Variants in CTIF observed in about 807,000 individuals in gnomAD.
The protein encoded by CTIF is cap binding complex dependent translation initiation factor.
CTIF carries 21 observed loss-of-function variants against 66.0 expected under a neutral mutation model. The ratio of observed to expected loss-of-function variants is 0.32; its 90% CI spans 0.23 to 0.46. The LOEUF is 0.46. Ranked by LOEUF, CTIF falls within the 20% of genes least tolerant of loss-of-function variation. The probability of loss-of-function intolerance (pLI) is 1.00; values close to 1 mark genes in which losing one functional copy is unlikely to be tolerated. For missense variants in CTIF, 739 were observed against 812.7 expected (o/e 0.91, Z 1.10); for synonymous variants, 345 against 326.4 (o/e 1.06, Z -0.62).
chr18:48,805,171 G>A lies in CTIF; in HGVS notation c.1372-12050G>A, dbSNP rs140602276. Among the ~76,000 whole-genome samples the A allele has an allele frequency of 3.4e-3, 518 of 152,308 alleles. 4 individuals carry two copies. The highest frequency in any genetic ancestry group is 0.012 in the African/African-American group (485 of 41,546). ...GTTCCATGCTGCAGGCCAGCCCTAC[G>A]CTTGGGAATTCCCAGCCCTCTGCTT... On this transcript the variant is annotated intron_variant, in intron 9 of 11. Coordinates refer to ENST00000256413, the MANE Select transcript of CTIF (RefSeq NM_014772.3).
intron 6 of CTIF, among the ~76,000 whole-genome samples, chr18:48,699,607 G>C (rs1346578125): frequency 6.6e-6 from 1 of 152,312 alleles, no homozygotes; most frequent in African/African-American, 2.4e-5. Flanking sequence ...CCCAGCAGGT[G>C]CACAAAGACC....
intron 1 of CTIF, among the ~76,000 whole-genome samples, chr18:48,583,544 C>T (rs1172866570): frequency 1.3e-5 from 2 of 152,200 alleles, no homozygotes; most frequent in African/African-American, 2.4e-5. Flanking sequence ...CTGCTATGCA[C>T]TCTCCTCACT....
chr18:48,805,565 G>A (rs1250533776), intron 9 of CTIF, among the ~76,000 whole-genome samples: 4 of 152,110 alleles, frequency 2.6e-5, no homozygotes, highest in Admixed American at 6.5e-5. Context: ...GCGGAATGTC[G>A]TGGCCTTACT....
chr18:48,786,761 G>A (rs1412150423), intron 9 of CTIF, among the ~76,000 whole-genome samples: 1 of 152,140 alleles, frequency 6.6e-6, no homozygotes, highest in African/African-American at 2.4e-5. Context: ...AACTTCGAAG[G>A]GAAAGGAGGA....
At chr18:48,795,140 G>A (rs146087059) in intron 9 of CTIF, among the ~76,000 whole-genome samples, 2 of 152,148 alleles carry the variant, frequency 1.3e-5, no homozygotes, top group East Asian at 3.9e-4. Context: ...GGCTTTTTTT[G>A]ATCCTTGGCT....
intron 7 of CTIF, among the ~76,000 whole-genome samples, chr18:48,738,841 C>T (rs947820400): frequency 3.3e-5 from 5 of 152,214 alleles, no homozygotes; most frequent in African/African-American, 1.2e-4. Context: ...AAACCACTGT[C>T]GAGTAAGTGA....
At chr18:48,755,271 A>C (rs1241711532) in intron 7 of CTIF, among the ~76,000 whole-genome samples, 1 of 152,224 alleles carries the variant, frequency 6.6e-6, no homozygotes, top group Non-Finnish European at 1.5e-5. Context: ...AAAGTAACTG[A>C]GAAGTTAAAG....
Position 48,697,198 on chromosome 18 carries a change from A to G in CTIF, c.508-14421A>G, listed in dbSNP as rs546204367. 2.0e-5 allele frequency among the ~76,000 whole-genome samples: 3 copies of G among 152,304 alleles called. No individual in the cohort carries two copies. In the East Asian group the frequency reaches 5.8e-4, roughly 29 times the overall value. On this transcript the variant is annotated intron_variant, in intron 6 of 11. Coordinates refer to ENST00000256413, the MANE Select transcript of CTIF (RefSeq NM_014772.3). ...GTCATCTTAACTTTTTATACAACAA[A>G]CAATTATGGAGGCTCATGGTATCTA...
chr18:48,667,117 G>A (rs908310873), intron 5 of CTIF, among the ~76,000 whole-genome samples: 8 of 119,076 alleles, frequency 6.7e-5, no homozygotes, highest in African/African-American at 2.4e-4. Flanking sequence ...ACACACACAC[G>A]AGTATACAAT....
intron 7 of CTIF, among the ~76,000 whole-genome samples, chr18:48,741,278 C>T (rs898092065): frequency 1.3e-5 from 1 of 78,168 alleles, no homozygotes; most frequent in African/African-American, 4.2e-5. Flanking sequence ...TACTCTGCCC[C>T]CGCCCCCCCT....
chr18:48,812,637 C>T (rs1262697820), intron 9 of CTIF, among the ~76,000 whole-genome samples: 1 of 151,688 alleles, frequency 6.6e-6, no homozygotes, highest in Non-Finnish European at 1.5e-5. Flanking sequence ...GCCTGTAGTC[C>T]CAGCTACTCA....
intron 10 of CTIF, among the ~76,000 whole-genome samples, chr18:48,831,757 C>A (rs1193089747): frequency 6.6e-6 from 1 of 152,218 alleles, no homozygotes; most frequent in Non-Finnish European, 1.5e-5. Flanking sequence ...TCTAATATAT[C>A]CAAATAATCA....
chr18:48,758,023 G>A lies in CTIF; in HGVS notation c.689G>A (p.Gly230Asp), dbSNP rs772084041. Residue 230 changes from glycine (G) to aspartate (D), a missense_variant, in exon 8 of 12, where the codon GGC becomes GAC. Coordinates refer to ENST00000256413, the MANE Select transcript of CTIF (RefSeq NM_014772.3). ...GACCACCAGAAATCCTACCAGGGGGGCTCAGCACCCCACCCCTCAGGGAGG... is the reference window on the plus strand; with the variant it reads ...GACCACCAGAAATCCTACCAGGGGGACTCAGCACCCCACCCCTCAGGGAGG... ...NRDHQKSYQG[G>D]SAPHPSGRPT... The A allele has an allele frequency of 2.7e-5, 43 of 1,613,868 alleles. No homozygotes were observed. The highest frequency in any genetic ancestry group is 3.4e-5 in the Non-Finnish European group (40 of 1,179,976).
chr18:48,788,240 G>T (rs1911893922), intron 9 of CTIF, among the ~76,000 whole-genome samples: 1 of 152,192 alleles, frequency 6.6e-6, no homozygotes, highest in Non-Finnish European at 1.5e-5. Context: ...GCCTGAGCTG[G>T]AAACATGCTC....
At chr18:48,548,104 A>G (rs955222175) in intron 1 of CTIF, among the ~76,000 whole-genome samples, 5 of 152,234 alleles carry the variant, frequency 3.3e-5, no homozygotes, top group Non-Finnish European at 7.3e-5. Context: ...ACAGAGAGGC[A>G]GAGATATGGT....
At chr18:48,597,140 A>G (rs1351041726) in intron 1 of CTIF, among the ~76,000 whole-genome samples, 2 of 152,222 alleles carry the variant, frequency 1.3e-5, no homozygotes, top group African/African-American at 4.8e-5. Context: ...GAAGTGTAAC[A>G]TCAACTGGCC....
intron 1 of CTIF, among the ~76,000 whole-genome samples, chr18:48,587,478 C>T (rs536016472): frequency 7.2e-4 from 110 of 151,952 alleles, no homozygotes; most frequent in Non-Finnish European, 1.3e-3. Context: ...TCATGGTGTT[C>T]TGCATGGAAT....
intron 6 of CTIF, chr18:48,688,464 C>T (rs1239288723): frequency 6.6e-6 from 1 of 152,290 alleles, no homozygotes; most frequent in African/African-American, 2.4e-5. Flanking sequence ...TTAGCTGTCT[C>T]ACCATGGTGC....
intron 9 of CTIF, among the ~76,000 whole-genome samples, chr18:48,812,916 C>G (rs1568238874): frequency 6.6e-6 from 1 of 152,020 alleles, no homozygotes; most frequent in African/African-American, 2.4e-5. Context: ...TCTCTGCTCT[C>G]TTTGTTCTGT....
Sources: gnomAD v4.1 joint callset for allele counts (sites outside exome capture counted in the v4.1 genomes callset) on GRCh38, gnomAD v4.1.1 for gene constraint, MANE v1.5 for transcripts, NCBI Gene and HGNC (gene_info 2026-07-23, HGNC 2026-07-21) for gene names.